Variants in XKR9 observed in about 807,000 individuals in gnomAD.
The protein encoded by XKR9 is XK related 9, also known as XK-related protein 9.
XKR9 carries 32 observed loss-of-function variants against 32.0 expected under a neutral mutation model. The observed-to-expected ratio is 1.00, with a 90% confidence interval of 0.76 to 1.34. The LOEUF (loss-of-function observed/expected upper bound fraction) is 1.34, where lower values mean the gene tolerates loss of function less well. XKR9 is among the 40% of genes most tolerant of loss of function. The pLI, the probability that XKR9 is intolerant of heterozygous loss-of-function variation, is 0.00. For synonymous variants in XKR9, 168 were observed against 143.4 expected, an observed-to-expected ratio of 1.17 and a Z score of -1.22; for missense variants, 546 against 429.7, an observed-to-expected ratio of 1.27 and a Z score of -2.39.
intron 2 of XKR9, among the ~76,000 whole-genome samples, chr8:70,763,217 A>G (rs1807330972): frequency 1.3e-5 from 2 of 152,222 alleles, no homozygotes; most frequent in South Asian, 2.1e-4. Context: ...TCAGAGCTCA[A>G]TACATCTGTG....
chr8:71,017,117 T>C, the XKR9 span, among the ~76,000 whole-genome samples: 147 of 152,324 alleles, frequency 9.7e-4, no homozygotes, highest in African/African-American at 3.4e-3. Context: ...TGCAGCCTTA[T>C]ACATGGCTTT....
chr8:70,965,582 G>GT, the XKR9 span, among the ~76,000 whole-genome samples: 1 of 151,922 alleles, frequency 6.6e-6, no homozygotes, highest in South Asian at 2.1e-4. Flanking sequence ...CTGGTCCTGG[G>GT]TTTTTTTGTT....
chr8:71,042,856 G>A, the XKR9 span, among the ~76,000 whole-genome samples: 2 of 152,226 alleles, frequency 1.3e-5, no homozygotes, highest in South Asian at 4.2e-4. Flanking sequence ...CAAGACCCTG[G>A]TGGTTATGCC....
At chr8:70,744,487 A>G (rs1030224901) in intron 2 of XKR9, among the ~76,000 whole-genome samples, 1 of 152,156 alleles carries the variant, frequency 6.6e-6, no homozygotes, top group African/African-American at 2.4e-5. Flanking sequence ...TAATTTGCCA[A>G]AGTCCACACA....
the XKR9 span, among the ~76,000 whole-genome samples, chr8:70,931,296 T>G: frequency 6.6e-6 from 1 of 152,292 alleles, no homozygotes; most frequent in African/African-American, 2.4e-5. Context: ...AAGGTTACCC[T>G]GAGGTCAGCA....
At chr8:71,029,814 A>G in the XKR9 span, among the ~76,000 whole-genome samples, 2 of 152,048 alleles carry the variant, frequency 1.3e-5, no homozygotes, top group Non-Finnish European at 2.9e-5. Flanking sequence ...GACCTATTTT[A>G]AACCATTCTT....
chr8:70,843,163 TA>T, the XKR9 span, among the ~76,000 whole-genome samples: 121 of 152,276 alleles, frequency 7.9e-4, 2 homozygotes, highest in Middle Eastern at 3.4e-3. Context: ...ATAAAAATAA[TA>T]AAATGATTGC....
At chr8:71,050,274 GATAT>G in the XKR9 span, among the ~76,000 whole-genome samples, 1 of 54,408 alleles carries the variant, frequency 1.8e-5, no homozygotes, top group East Asian at 1.1e-3. Flanking sequence ...TAGATAGATA[GATAT>G]AGATATAGAT....
chr8:70,714,102 AGAG>A (rs1459099690), intron 4 of XKR9, among the ~76,000 whole-genome samples: 1 of 152,056 alleles, frequency 6.6e-6, no homozygotes, highest in Non-Finnish European at 1.5e-5. Context: ...AGGGAGAGGA[AGAG>A]GAGGGGAGAG....
At chr8:70,790,317 C>T (rs979843012) in exon 4 of XKR9, 2 of 151,870 alleles carry the variant, frequency 1.3e-5, no homozygotes, top group African/African-American at 2.4e-5. Context: ...TGAAAATGTG[C>T]CTTTAAAAGT....
the XKR9 span, among the ~76,000 whole-genome samples, chr8:70,915,686 A>C: frequency 2.6e-5 from 4 of 152,224 alleles, no homozygotes; most frequent in Non-Finnish European, 5.9e-5. Context: ...AGGAATATTT[A>C]ATTGATCCAG....
chr8:70,734,634 G>A lies in XKR9; in HGVS notation c.*210G>A. 2.2e-6 allele frequency: 1 copy of A among 454,014 alleles called. No individual in the cohort carries two copies. Among genetic ancestry groups the A allele is most frequent in the Non-Finnish European group, 3.3e-6 (1 of 304,988 alleles). The allele number at this position is 454,014 out of a possible 1,614,324, so 28.1% of individuals were successfully genotyped here. On this transcript the variant is annotated 3_prime_UTR_variant, in exon 5 of 5. Coordinates refer to ENST00000408926, the MANE Select transcript of XKR9 (RefSeq NM_001011720.2). Reference sequence around the variant, plus strand: ...TTGAGTACTCAGATATCTTTCTACTGCCTGGTAGAGCTGCCATCTTGAGCC... The same window carrying A: ...TTGAGTACTCAGATATCTTTCTACTACCTGGTAGAGCTGCCATCTTGAGCC...
At chr8:70,815,255 T>C in the XKR9 span, among the ~76,000 whole-genome samples, 6 of 152,238 alleles carry the variant, frequency 3.9e-5, no homozygotes, top group Non-Finnish European at 8.8e-5. Flanking sequence ...GTACAGATTA[T>C]TTCATCACCA....
At chr8:70,935,418 G>A in the XKR9 span, among the ~76,000 whole-genome samples, 6 of 151,632 alleles carry the variant, frequency 4.0e-5, no homozygotes, top group East Asian at 7.8e-4. Context: ...AGCCTTGCCA[G>A]GTATGCATAT....
chr8:70,924,862 T>C, the XKR9 span, among the ~76,000 whole-genome samples: 1 of 152,264 alleles, frequency 6.6e-6, no homozygotes, highest in East Asian at 1.9e-4. Context: ...TCACATTGTA[T>C]GTGACTACTT....
chr8:71,050,907 A>G, the XKR9 span, among the ~76,000 whole-genome samples: 1 of 152,186 alleles, frequency 6.6e-6, no homozygotes, highest in East Asian at 1.9e-4. Context: ...CAAATTCTAA[A>G]AGTAGAGATT....
chr8:70,780,553 A>G (rs952102823), intron 2 of XKR9, among the ~76,000 whole-genome samples: 7 of 152,158 alleles, frequency 4.6e-5, no homozygotes, highest in African/African-American at 1.7e-4. Context: ...AAGCCAGGAA[A>G]GCGAAGGATT....
At chr8:70,886,141 T>C in the XKR9 span, among the ~76,000 whole-genome samples, 3 of 152,166 alleles carry the variant, frequency 2.0e-5, no homozygotes, top group African/African-American at 7.2e-5. Context: ...ACATGTGGTG[T>C]TTGGTTTTCC....
At chr8:70,809,682 G>C in the XKR9 span, among the ~76,000 whole-genome samples, 1 of 152,236 alleles carries the variant, frequency 6.6e-6, no homozygotes, top group East Asian at 1.9e-4. Context: ...TCAACTGGAA[G>C]AAAGGGTATC....
Sources: allele counts gnomAD v4.1 joint callset (sites outside exome capture counted in the v4.1 genomes callset), GRCh38; gene constraint gnomAD v4.1.1; transcripts MANE v1.5; gene names NCBI Gene and HGNC (gene_info 2026-07-23, HGNC 2026-07-21).